TMEM200A: variants seen among roughly 807,000 people sequenced by gnomAD.
TMEM200A encodes the protein two transmembrane C.
TMEM200A carries 12 observed loss-of-function variants against 24.3 expected under a neutral mutation model. The ratio of observed to expected loss-of-function variants is 0.49; its 90% confidence interval spans 0.32 to 0.80. The LOEUF is 0.80. Ranked by LOEUF, TMEM200A falls within the 30% of genes least tolerant of loss-of-function variation. The probability of loss-of-function intolerance (pLI) is 0.04; values close to 1 mark genes in which losing one functional copy is unlikely to be tolerated. For missense variants in TMEM200A, 545 were observed against 614.4 expected (o/e 0.89, Z 1.19); for synonymous variants, 224 against 224.4 (o/e 1.00, Z 0.02).
At chr6:130,411,945 T>G (rs1161484277) in intron 2 of TMEM200A, among the ~76,000 whole-genome samples, 1 of 151,944 alleles carries the variant, frequency 6.6e-6, no homozygotes, top group African/African-American at 2.4e-5. Flanking sequence ...TGTATACGTT[T>G]GTTTGTTTAT....
At chr6:130,438,687 A>G (rs1028850378) in intron 2 of TMEM200A, 1 of 152,234 alleles carries the variant, frequency 6.6e-6, no homozygotes, top group Non-Finnish European at 1.5e-5. Context: ...TATTTCTTGA[A>G]CACTAGCCAT....
At chr6:130,412,267 T>C (rs1366091028) in intron 2 of TMEM200A, among the ~76,000 whole-genome samples, 1 of 151,938 alleles carries the variant, frequency 6.6e-6, no homozygotes, top group African/African-American at 2.4e-5. Flanking sequence ...TATTGCTATC[T>C]GGGTATTGCC....
At chr6:130,410,245 G>T (rs1024332091) in intron 2 of TMEM200A, among the ~76,000 whole-genome samples, 2 of 152,120 alleles carry the variant, frequency 1.3e-5, no homozygotes, top group African/African-American at 4.8e-5. Flanking sequence ...CAACCTCATC[G>T]CTTTGGCTTC....
At position 130,442,115 on chromosome 6, in the gene TMEM200A, T is replaced by A; in HGVS notation, c.*217T>A. 2.4e-6 allele frequency: 1 copy of A among 409,290 alleles called. No homozygotes were observed. Among genetic ancestry groups the A allele is most frequent in the Non-Finnish European group, 4.5e-6 (1 of 222,922 alleles). 25.4% of individuals were successfully genotyped at this position (409,290 alleles called of 1,614,324 possible). ...ACACATGATTTTATTTTTCTCTTCCTTTGAAAGCATGATCTCTTTTATTAA... is the reference window on the plus strand; with the variant it reads ...ACACATGATTTTATTTTTCTCTTCCATTGAAAGCATGATCTCTTTTATTAA... On this transcript the variant is annotated 3_prime_UTR_variant, in exon 3 of 3. Coordinates refer to ENST00000296978, the MANE Select transcript of TMEM200A (RefSeq NM_001258277.2).
intron 2 of TMEM200A, among the ~76,000 whole-genome samples, chr6:130,433,813 C>G (rs1779936757): frequency 6.6e-6 from 1 of 152,122 alleles, no homozygotes; most frequent in Non-Finnish European, 1.5e-5. Flanking sequence ...AAATAATAGT[C>G]ACACTTCAAC....
In TMEM200A at chr6:130,413,519, C is replaced by A. The variant is rs189717470; in HGVS notation, c.-16-26888C>A. On this transcript the variant is annotated intron_variant, in intron 2 of 2. Coordinates refer to ENST00000296978, the MANE Select transcript of TMEM200A (RefSeq NM_001258277.2). ...TCAATAAATGGCACAGCCATCCCCC[C>A]CACTAGAGATCTGGAAATTCCCTTG... is the stretch of plus-strand genomic sequence containing the variant. Among the ~76,000 whole-genome samples the A allele has an allele frequency of 2.0e-5, 3 of 152,288 alleles. No homozygotes were observed. The South Asian group carries it at 6.2e-4, about 32-fold the overall frequency.
chr6:130,382,331 C>T (rs1368987469), intron 1 of TMEM200A, among the ~76,000 whole-genome samples: 1 of 152,194 alleles, frequency 6.6e-6, no homozygotes, highest in East Asian at 1.9e-4. Context: ...TCCATTCCGT[C>T]TCACCTGGTT....
At chr6:130,411,482 C>G (rs1779329452) in intron 2 of TMEM200A, among the ~76,000 whole-genome samples, 1 of 152,176 alleles carries the variant, frequency 6.6e-6, no homozygotes. Flanking sequence ...TGGTATATTA[C>G]TACCACAGAA....
At chr6:130,428,220 A>C (rs1779793485) in intron 2 of TMEM200A, among the ~76,000 whole-genome samples, 1 of 152,184 alleles carries the variant, frequency 6.6e-6, no homozygotes, top group African/African-American at 2.4e-5. Context: ...TCCCAGGCAG[A>C]AAATTTCTGT....
intron 2 of TMEM200A, among the ~76,000 whole-genome samples, chr6:130,427,506 T>G (rs1779773064): frequency 6.7e-6 from 1 of 149,418 alleles, no homozygotes; most frequent in African/African-American, 2.5e-5. Context: ...TCCTTATACA[T>G]AGTTTCATGT....
At chr6:130,383,655 G>A (rs749044678) in intron 1 of TMEM200A, among the ~76,000 whole-genome samples, 1 of 152,056 alleles carries the variant, frequency 6.6e-6, no homozygotes, top group Non-Finnish European at 1.5e-5. Flanking sequence ...CAGGTGGTTG[G>A]CATCAAGGTA....
At chr6:130,420,453 A>T (rs926614372) in intron 2 of TMEM200A, among the ~76,000 whole-genome samples, 2 of 152,106 alleles carry the variant, frequency 1.3e-5, no homozygotes, top group African/African-American at 2.4e-5. Flanking sequence ...GGATCATGTC[A>T]TGTCACACAC....
intron 2 of TMEM200A, among the ~76,000 whole-genome samples, chr6:130,420,764 C>T (rs1779562620): frequency 6.6e-6 from 1 of 152,012 alleles, no homozygotes; most frequent in Admixed American, 6.6e-5. Context: ...AAACGTTGTC[C>T]CATTTAAAGG....
intron 2 of TMEM200A, among the ~76,000 whole-genome samples, chr6:130,386,711 G>A (rs547183455): frequency 6.9e-4 from 105 of 152,150 alleles, no homozygotes; most frequent in African/African-American, 2.5e-3. Flanking sequence ...AAAAAATTCC[G>A]ACAAACAAAC....
upstream of TMEM200A, chr6:130,366,005 G>T (rs370302141): frequency 1.3e-5 from 13 of 985,566 alleles, no homozygotes; most frequent in East Asian, 1.0e-3. The surrounding 1 kb of genome is among the most constrained non-coding windows in gnomAD (Gnocchi z 4.4). Context: ...GTGAGGTTTG[G>T]GGCTGGGATC....
intron 2 of TMEM200A, among the ~76,000 whole-genome samples, chr6:130,386,872 G>A (rs1042006931): frequency 2.0e-5 from 3 of 152,116 alleles, no homozygotes; most frequent in Non-Finnish European, 4.4e-5. Context: ...AGCATCATTT[G>A]GAAGCCAGAT....
chr6:130,440,886 C>T lies in TMEM200A; in HGVS notation c.464C>T (p.Thr155Ile). ...AILHENRDKE[T>I]KIIHMRDIYS... ...CTTCATGAAAACCGTGACAAAGAGACCAAAATCATACACATGAGGGATATC... is the reference window on the plus strand; with the variant it reads ...CTTCATGAAAACCGTGACAAAGAGATCAAAATCATACACATGAGGGATATC... Residue 155 changes from threonine (T) to isoleucine (I), a missense_variant, in exon 3 of 3, where the codon ACC becomes ATC. Coordinates refer to ENST00000296978, the MANE Select transcript of TMEM200A (RefSeq NM_001258277.2). 6.2e-7 allele frequency: 1 copy of T among 1,613,940 alleles called. No individual in the cohort carries two copies. Among genetic ancestry groups the T allele is most frequent in the East Asian group, 2.2e-5 (1 of 44,838 alleles).
chr6:130,438,863 C>T (rs1780086196), intron 2 of TMEM200A: 1 of 152,192 alleles, frequency 6.6e-6, no homozygotes, highest in Admixed American at 6.5e-5. Context: ...TGCAGTGGGT[C>T]AGCTAGAGAA....
chr6:130,377,562 C>T (rs1022485867), intron 1 of TMEM200A, among the ~76,000 whole-genome samples: 2 of 152,150 alleles, frequency 1.3e-5, no homozygotes, highest in Admixed American at 1.3e-4. Flanking sequence ...CATATTGACT[C>T]ATTGACTTCA....
Sources: allele counts gnomAD v4.1 joint callset (sites outside exome capture counted in the v4.1 genomes callset), GRCh38; gene constraint gnomAD v4.1.1; non-coding constraint Gnocchi (gnomAD v3.1); transcripts MANE v1.5; gene names NCBI Gene and HGNC (gene_info 2026-07-23, HGNC 2026-07-21).